The following SELENOO variants were observed in gnomAD, a reference collection of about 807,000 sequenced individuals.
SELENOO encodes the protein selenoprotein O, also known as protein adenylyltransferase SelO, mitochondrial.
In SELENOO, 74 loss-of-function variants were observed where a neutral mutation model predicts 58.7. The observed-to-expected ratio is 1.26, with a 90% CI of 1.04 to 1.53. The LOEUF (loss-of-function observed/expected upper bound fraction) is 1.53, where lower values mean the gene tolerates loss of function less well. SELENOO is among the 40% of genes most tolerant of loss of function. The pLI is 0.00. For missense variants in SELENOO, 1,149 were observed against 970.0 expected, an observed-to-expected ratio of 1.18 and a Z score of -2.45; for synonymous variants, 543 against 453.2, an observed-to-expected ratio of 1.20 and a Z score of -2.52.
At position 50,204,857 on chromosome 22, in the gene SELENOO, A is replaced by G. The variant is rs59619964; in HGVS notation, c.555-1460A>G. ...TGGCCAAAAGGCAGAACAAGTGTCT[A>G]TCAGCAGGTGAATGGATTAAATGTG... On this transcript the variant is annotated intron_variant, in intron 1 of 8. Transcript: ENST00000380903. Among the ~76,000 whole-genome samples the G allele has an allele frequency of 3.0e-4, 46 of 152,392 alleles. No homozygotes were observed. In the East Asian group the frequency reaches 7.3e-3, roughly 24 times the overall value.
chr22:50,202,172 A>G (rs1327420636), intron 1 of SELENOO, among the ~76,000 whole-genome samples: 1 of 152,136 alleles, frequency 6.6e-6, no homozygotes, highest in Non-Finnish European at 1.5e-5. Context: ...TCTACTAAAC[A>G]ATGTACTTAC....
intron 1 of SELENOO, among the ~76,000 whole-genome samples, chr22:50,201,906 C>T (rs1241440660): frequency 1.3e-5 from 2 of 152,272 alleles, no homozygotes; most frequent in African/African-American, 2.4e-5. Flanking sequence ...TTCCTCCGAT[C>T]GCTCGTGGGG....
chr22:50,211,230 T>C (rs1569103318), intron 5 of SELENOO, among the ~76,000 whole-genome samples: 1 of 152,232 alleles, frequency 6.6e-6, no homozygotes, highest in African/African-American at 2.4e-5. Flanking sequence ...GGCCGCAGTT[T>C]GCTTATCCAC....
rs554842345 is a variant in SELENOO, at chr22:50,216,783, G to A, written c.1595G>A (p.Arg532His). The change falls in exon 7 of 9, where the codon CGT becomes CAT. Residue 532 changes from arginine to histidine, a missense_variant. Transcript: ENST00000380903. ...TRAGIARELE[R>H]VEQQSRLEQL... is the part of the protein sequence containing the mutation. ...GCAGGCATCGCCAGGGAGCTGGAGC[G>A]TGTGGAGCAGCAGTCTCGGCTGGAG... is the stretch of plus-strand genomic sequence containing the variant. 68 of 1,609,128 alleles carry A rather than the reference G, an allele frequency of 4.2e-5. No individual in the cohort carries two copies. Among genetic ancestry groups the A allele is most frequent in the Middle Eastern group, 1.9e-4 (1 of 5,182 alleles).
rs574221219 is a variant in SELENOO, at chr22:50,207,733, C to T, written c.759-803C>T. ...CCAGTAGTAACCCCAGTTGTGACAA[C>T]GAAAAATGTGTCCAGACCTTGCCTG... On this transcript the variant is annotated intron_variant, in intron 2 of 8. Coordinates refer to ENST00000380903, the MANE Select transcript of SELENOO (RefSeq NM_031454.2). Among the ~76,000 whole-genome samples, 15 of 142,948 alleles carry T rather than the reference C, an allele frequency of 1.0e-4. No individual in the cohort carries two copies. In the South Asian group the frequency reaches 2.2e-3, roughly 21 times the overall value. 93.8% of individuals were successfully genotyped at this position (142,948 alleles called of 152,430 possible).
intron 2 of SELENOO, 37 bp downstream of exon 2, chr22:50,206,557 TTGC>T: frequency 5.2e-6 from 8 of 1,551,942 alleles, no homozygotes; most frequent in Non-Finnish European, 7.0e-6. Context: ...CTACACGCAC[TTGC>T]TTAGAGTCCT....
chr22:50,210,868 C>CGGGG lies in SELENOO; in HGVS notation c.1309_1312dup (p.Ala438GlyfsTer121). ...TCGTGCAGGTGGAGCTGGAGGAAGA[C>CGGGG]GGGGCGCTGGTGTCCAAGCTCCTGG... On this transcript the variant is annotated frameshift_variant, in exon 5 of 9. Coordinates refer to ENST00000380903, the MANE Select transcript of SELENOO (RefSeq NM_031454.2). LOFTEE classifies it high-confidence loss of function. 6.2e-7 allele frequency: 1 copy of CGGGG among 1,614,108 alleles called. No homozygotes were observed. The highest frequency in any genetic ancestry group is 8.5e-7 in the Non-Finnish European group (1 of 1,180,020).
At chr22:50,208,214 G>C (rs1050762803) in intron 2 of SELENOO, among the ~76,000 whole-genome samples, 2 of 152,024 alleles carry the variant, frequency 1.3e-5, no homozygotes, top group African/African-American at 4.8e-5. Flanking sequence ...GGTGGATCAC[G>C]AGGTCAGGAG....
At chr22:50,208,404 TG>T in intron 2 of SELENOO, 131 bp from the exon 3 acceptor site, 1 of 789,888 alleles carries the variant, frequency 1.3e-6, no homozygotes, top group Non-Finnish European at 1.9e-6. Flanking sequence ...CACTCCAGCC[TG>T]GACAACAAGA....
At chr22:50,203,029 C>G (rs1192739307) in intron 1 of SELENOO, among the ~76,000 whole-genome samples, 1 of 152,134 alleles carries the variant, frequency 6.6e-6, no homozygotes, top group Admixed American at 6.5e-5. Flanking sequence ...CAGTATAGTC[C>G]TTATCAAAAT....
chr22:50,210,277 AC>A lies in SELENOO; in HGVS notation c.1038del (p.Ile347SerfsTer103). Reference protein sequence around the residue: ...NTDNMSILGLTIDYGPFGFLD... With the variant: ...NTDNMSILGLXIDYGPFGFLD... ...CGACAACATGAGCATCCTGGGGCTC[AC>A]CATCGACTACGGGCCCTTTGGCTTC... On this transcript the variant is annotated frameshift_variant, in exon 4 of 9. Coordinates refer to ENST00000380903, the MANE Select transcript of SELENOO (RefSeq NM_031454.2). LOFTEE classifies it high-confidence loss of function. 6.2e-7 allele frequency: 1 copy of A among 1,613,316 alleles called. No homozygotes were observed. Among genetic ancestry groups the A allele is most frequent in the Non-Finnish European group, 8.5e-7 (1 of 1,179,912 alleles).
chr22:50,216,303 A>G (rs562745525), intron 6 of SELENOO, among the ~76,000 whole-genome samples: 1 of 152,380 alleles, frequency 6.6e-6, no homozygotes, highest in East Asian at 1.9e-4. Context: ...ACCGGCCAGC[A>G]GGCCCTGCTG....
intron 6 of SELENOO, 118 bp downstream of exon 6, chr22:50,215,985 C>T (rs1236422061): frequency 8.3e-6 from 7 of 839,162 alleles, no homozygotes; most frequent in Middle Eastern, 5.8e-4. Flanking sequence ...GGCTGCTCCG[C>T]TCCCAGGGAC....
chr22:50,208,644 C>G lies in SELENOO; in HGVS notation c.867C>G (p.Ser289Arg). ...IRVQLLDYVI[S>R]SFYPEIQAAH... ...TGCAGCTGCTCGACTATGTCATCAG[C>G]TCCTTTTACCCCGAGATCCAGGCTG... is the stretch of plus-strand genomic sequence containing the variant. Residue 289 changes from serine to arginine, a missense_variant, in exon 3 of 9, where the codon AGC becomes AGG. Ser to Arg is a moderately radical substitution (Grantham distance 110). Coordinates refer to ENST00000380903, the MANE Select transcript of SELENOO (RefSeq NM_031454.2). 6.2e-7 allele frequency: 1 copy of G among 1,613,902 alleles called. No homozygotes were observed. The highest frequency in any genetic ancestry group is 8.5e-7 in the Non-Finnish European group (1 of 1,180,006).
chr22:50,201,153 GC>G lies in SELENOO; in HGVS notation c.120del (p.Ala41ArgfsTer207). On this transcript the variant is annotated frameshift_variant, in exon 1 of 9. Coordinates refer to ENST00000380903, the MANE Select transcript of SELENOO (RefSeq NM_031454.2). LOFTEE classifies it high-confidence loss of function. ...CTACGTTGTCGGGCGCCGCCATGGA[GC>G]CCGCGCCTCGCTGGCTGGCGGGGCT... ...RSTLSGAAME[P>X]APRWLAGLRF... 7.9e-7 allele frequency: 1 copy of G among 1,263,932 alleles called. No individual in the cohort carries two copies. The highest frequency in any genetic ancestry group is 9.9e-7 in the Non-Finnish European group (1 of 1,005,290). 78.3% of individuals were successfully genotyped at this position (1,263,932 alleles called of 1,614,324 possible).
At chr22:50,216,647 A>G (rs1275564976) in intron 6 of SELENOO, 44 bp from the exon 7 acceptor site, 1 of 1,520,896 alleles carries the variant, frequency 6.6e-7, no homozygotes, top group Non-Finnish European at 8.8e-7. Context: ...CAGGGCAGGG[A>G]CACGGTCAGG....
chr22:50,216,921 C>T, intron 7 of SELENOO, 45 bp downstream of exon 7: 4 of 1,602,324 alleles, frequency 2.5e-6, no homozygotes, highest in Non-Finnish European at 3.4e-6. Flanking sequence ...GGGTCGCGTG[C>T]TGGAAAAAGT....
In SELENOO at chr22:50,201,326, C is replaced by A; in HGVS notation, c.290C>A (p.Ala97Glu). Residue 97 changes from alanine to glutamate, a missense_variant, in exon 1 of 9, where the codon GCG (alanine) becomes GAG (glutamate). Ala to Glu is a moderately radical substitution (Grantham distance 107, BLOSUM62 -1). Coordinates refer to ENST00000380903, the MANE Select transcript of SELENOO (RefSeq NM_031454.2). Reference protein sequence around the residue: ...PTPLRQPRLVALSEPALALLG... With the variant: ...PTPLRQPRLVELSEPALALLG... ...CCGCTGCGGCAGCCGCGCCTCGTGG[C>A]GCTGTCAGAGCCCGCGCTGGCGTTG... 1.7e-6 allele frequency: 2 copies of A among 1,148,862 alleles called. No homozygotes were observed. Among genetic ancestry groups the A allele is most frequent in the Non-Finnish European group, 2.1e-6 (2 of 936,548 alleles). 71.2% of individuals were successfully genotyped at this position (1,148,862 alleles called of 1,614,324 possible).
intron 3 of SELENOO, 193 bp downstream of exon 3, chr22:50,208,909 G>A: frequency 1.7e-6 from 1 of 588,878 alleles, no homozygotes; most frequent in Non-Finnish European, 3.0e-6. Context: ...ACTCCCCTGG[G>A]CTCCGTGGTG....
Sources: gnomAD v4.1 joint callset for allele counts (sites outside exome capture counted in the v4.1 genomes callset) on GRCh38, gnomAD v4.1.1 for gene constraint, MANE v1.5 for transcripts, NCBI Gene and HGNC (gene_info 2026-07-23, HGNC 2026-07-21) for gene names.